Variants in P2RX4 observed in about 807,000 individuals in gnomAD.
The protein encoded by P2RX4 is P2X purinoceptor 4.
A neutral mutation model predicts 48.0 loss-of-function variants in P2RX4; 37 were observed. The observed-to-expected ratio is 0.77, with a 90% CI of 0.59 to 1.01. The LOEUF (loss-of-function observed/expected upper bound fraction) is 1.01. Ranked by LOEUF, P2RX4 falls within the 50% of genes least tolerant of loss-of-function variation. The pLI, the probability that P2RX4 is intolerant of heterozygous loss-of-function variation, is 0.00. For synonymous variants in P2RX4, 200 were observed against 199.7 expected (o/e 1.00, Z -0.01); for missense variants, 501 against 521.4 (o/e 0.96, Z 0.38).
intron 2 of P2RX4, among the ~76,000 whole-genome samples, chr12:121,219,093 C>A (rs1179730352): frequency 1.3e-5 from 2 of 152,164 alleles, no homozygotes; most frequent in Admixed American, 6.6e-5. Flanking sequence ...CCAAGTATAA[C>A]TCAGGAGAGT....
At position 121,210,144 on chromosome 12, in the gene P2RX4, CT is replaced by C; in HGVS notation, c.-20del. ...ACTGGGACCCAGACCGACTAGGGGA[CT>C]GGGAGCGGGCGGCGCGGCCATGGCG... is the stretch of plus-strand genomic sequence containing the variant. On this transcript the variant is annotated 5_prime_UTR_variant, in exon 1 of 12. Transcript: ENST00000337233. 6.6e-7 allele frequency: 1 copy of C among 1,517,128 alleles called. No homozygotes were observed. The highest frequency in any genetic ancestry group is 2.2e-5 in the Admixed American group (1 of 46,476). The allele number at this position is 1,517,128 out of a possible 1,614,324, so 94.0% of individuals were successfully genotyped here. A position where few individuals can be genotyped will look rare whatever the true frequency, so the allele number is the denominator to read the frequency against.
In P2RX4 at chr12:121,233,740, G is replaced by A. The variant is rs1242456263; in HGVS notation, c.*191G>A. 2 of 1,382,924 alleles carry A rather than the reference G, an allele frequency of 1.4e-6. No homozygotes were observed. The highest frequency in any genetic ancestry group is 1.4e-5 in the African/African-American group (1 of 69,250). 85.7% of individuals were successfully genotyped at this position (1,382,924 alleles called of 1,614,324 possible). ...ATCTGTTTGCCCACTCGGCCCAGGA[G>A]GTCAGCAGTCTGTTCTTGGCTGGGT... On this transcript the variant is annotated 3_prime_UTR_variant, in exon 12 of 12. Coordinates refer to ENST00000337233, the MANE Select transcript of P2RX4 (RefSeq NM_002560.3).
At chr12:121,231,443 C>G (rs1441186547) in intron 8 of P2RX4, among the ~76,000 whole-genome samples, 1 of 152,104 alleles carries the variant, frequency 6.6e-6, no homozygotes, top group Non-Finnish European at 1.5e-5. Context: ...AAAAAGAAAC[C>G]CTGCACCCTT....
At chr12:121,219,220 C>T (rs1886418666) in intron 2 of P2RX4, among the ~76,000 whole-genome samples, 1 of 152,164 alleles carries the variant, frequency 6.6e-6, no homozygotes, top group Non-Finnish European at 1.5e-5. Context: ...CACGCCTCCT[C>T]CTGTGGCCTT....
Position 121,233,924 on chromosome 12 carries a change from G to C in P2RX4, c.*375G>C. The C allele has an allele frequency of 3.4e-6, 1 of 292,468 alleles. No individual in the cohort carries two copies. The highest frequency in any genetic ancestry group is 4.3e-5 in the Admixed American group (1 of 23,448). 18.1% of individuals were successfully genotyped at this position (292,468 alleles called of 1,614,324 possible). Reference sequence around the variant, plus strand: ...CAGTCCTCTGAGGCACGGCGGCTCTGTTCAAGCACTTTATGCGGCAGGGGA... The same window carrying C: ...CAGTCCTCTGAGGCACGGCGGCTCTCTTCAAGCACTTTATGCGGCAGGGGA... On this transcript the variant is annotated 3_prime_UTR_variant, in exon 12 of 12. Transcript: ENST00000337233.
At chr12:121,217,035 C>A (rs1435817072) in intron 1 of P2RX4, 99 bp from the exon 2 acceptor site, 1 of 1,197,252 alleles carries the variant, frequency 8.4e-7, no homozygotes, top group East Asian at 2.3e-5. Flanking sequence ...TGTAATTAGT[C>A]AACATCGTAC....
At chr12:121,219,337 G>C (rs1886428549) in intron 2 of P2RX4, among the ~76,000 whole-genome samples, 1 of 152,180 alleles carries the variant, frequency 6.6e-6, no homozygotes, top group Admixed American at 6.5e-5. Flanking sequence ...CTACAGACTG[G>C]TTGGTTTCTG....
chr12:121,210,387 C>A (rs1040831092), intron 1 of P2RX4, 89 bp downstream of exon 1: 2 of 1,268,780 alleles, frequency 1.6e-6, no homozygotes, highest in Non-Finnish European at 2.0e-6. Context: ...GTCACCTGGG[C>A]GAGTCCGGGA....
At chr12:121,217,055 C>T (rs1886273235) in intron 1 of P2RX4, 79 bp from the exon 2 acceptor site, 1 of 1,422,124 alleles carries the variant, frequency 7.0e-7, no homozygotes, top group Admixed American at 1.7e-5. Context: ...CTTCCAGCCA[C>T]TGGCCAGCAG....
At position 121,221,925 on chromosome 12, in the gene P2RX4, C is replaced by G; in HGVS notation, c.295C>G (p.Leu99Val). ...CTCCCCTCTGCAGGAGGAAAACTCCCTCTTCGTCATGACCAACGTGATCCT... is the reference window on the plus strand; with the variant it reads ...CTCCCCTCTGCAGGAGGAAAACTCCGTCTTCGTCATGACCAACGTGATCCT... The part of the protein sequence containing the change: ...YVIPAQEENS[L>V]FVMTNVILTM... Residue 99 changes from leucine (L) to valine (V), a missense_variant, in exon 3 of 12, where the codon CTC becomes GTC. By Grantham distance (32) the Leu-to-Val change is conservative. Transcript: ENST00000337233. 1 of 1,614,188 alleles carries G rather than the reference C, an allele frequency of 6.2e-7. No homozygotes were observed. The highest frequency in any genetic ancestry group is 1.1e-5 in the South Asian group (1 of 91,088).
intron 2 of P2RX4, among the ~76,000 whole-genome samples, chr12:121,219,828 TTAGATAGATAGATAGATAGA>T (rs3838806): frequency 0.015 from 2,186 of 150,330 alleles, 51 homozygotes; most frequent in African/African-American, 0.05. Context: ...ATAGGATAGA[TTAGATAGATAGATAGATAGA>T]TAGATAGATA....
chr12:121,216,897 G>A (rs1307617242), intron 1 of P2RX4: 22 of 702,332 alleles, frequency 3.1e-5, no homozygotes, highest in Admixed American at 6.0e-5. Flanking sequence ...CCATCAGTGT[G>A]CTGAGTGCTT....
intron 8 of P2RX4, among the ~76,000 whole-genome samples, chr12:121,231,832 C>T (rs1234335037): frequency 1.3e-5 from 2 of 151,808 alleles, no homozygotes; most frequent in Admixed American, 6.6e-5. Context: ...GGTGAAACCC[C>T]GTCTCTACTA....
rs1405577031 is a variant in P2RX4, at chr12:121,229,429, G to A, written c.884+330G>A. Among the ~76,000 whole-genome samples, 1 of 152,246 alleles carries A rather than the reference G, an allele frequency of 6.6e-6. No individual in the cohort carries two copies. Among genetic ancestry groups the A allele is most frequent in the Non-Finnish European group, 1.5e-5 (1 of 68,048 alleles). On this transcript the variant is annotated intron_variant, in intron 8 of 11. Coordinates refer to ENST00000337233, the MANE Select transcript of P2RX4 (RefSeq NM_002560.3). The surrounding 1 kb of genome is among the most constrained non-coding windows in gnomAD (Gnocchi z 4.6). ...TGACCTCCATTCACTGCCTCAAGGA[G>A]CGGATGATCTTGTGATCCTCCAGTC... is the stretch of plus-strand genomic sequence containing the variant.
Position 121,233,882 on chromosome 12 carries a change from T to C in P2RX4, c.*333T>C. On this transcript the variant is annotated 3_prime_UTR_variant, in exon 12 of 12. Coordinates refer to ENST00000337233, the MANE Select transcript of P2RX4 (RefSeq NM_002560.3). ...TGCTCAGAAGCCTCCTGTCTCCAGC[T>C]CTCTCCAGGACAGGCCCAGTCCTCT... The C allele has an allele frequency of 2.4e-6, 1 of 424,058 alleles. No homozygotes were observed. Among genetic ancestry groups the C allele is most frequent in the Non-Finnish European group, 4.4e-6 (1 of 227,644 alleles). The allele number at this position is 424,058 out of a possible 1,614,324, so 26.3% of individuals were successfully genotyped here. A position where few individuals can be genotyped will look rare whatever the true frequency, so the allele number is the denominator to read the frequency against.
intron 8 of P2RX4, among the ~76,000 whole-genome samples, chr12:121,230,982 A>ATATT (rs1471846304): frequency 0.017 from 1,886 of 113,218 alleles, 28 homozygotes; most frequent in East Asian, 0.039. Flanking sequence ...ATATATATAT[A>ATATT]TTTTTTTTTT....
intron 5 of P2RX4, among the ~76,000 whole-genome samples, chr12:121,227,017 AG>A (rs941614635): frequency 1.4e-4 from 22 of 151,952 alleles, no homozygotes; most frequent in African/African-American, 5.3e-4. Context: ...CGGGAGGCTG[AG>A]GCAGGAGAAT....
At chr12:121,214,897 G>T (rs575530157) in intron 1 of P2RX4, 2 of 152,214 alleles carry the variant, frequency 1.3e-5, no homozygotes, top group Admixed American at 1.3e-4. Context: ...TGATTCTCCT[G>T]CCTCAGCCTC....
chr12:121,226,845 G>A (rs1193226649), intron 5 of P2RX4, among the ~76,000 whole-genome samples: 1 of 152,060 alleles, frequency 6.6e-6, no homozygotes, highest in Non-Finnish European at 1.5e-5. Flanking sequence ...AGGCACAGTG[G>A]CCCATGCCTG....
Sources: gnomAD v4.1 joint callset for allele counts (sites outside exome capture counted in the v4.1 genomes callset) on GRCh38, gnomAD v4.1.1 for gene constraint, Gnocchi (gnomAD v3.1) non-coding constraint, MANE v1.5 for transcripts, NCBI Gene and HGNC (gene_info 2026-07-23, HGNC 2026-07-21) for gene names.